Variants in SH3GLB1 observed in about 807,000 individuals in gnomAD.
The protein encoded by SH3GLB1 is SH3 domain containing GRB2 like, endophilin B1.
SH3GLB1 carries 17 observed loss-of-function variants against 42.0 expected under a neutral mutation model. The observed-to-expected ratio is 0.40, with a 90% confidence interval of 0.28 to 0.61. The LOEUF is 0.61. Among genes scored for constraint, SH3GLB1 ranks in the 20% least tolerant of loss-of-function variants. The probability of loss-of-function intolerance (pLI) is 0.36; values close to 1 mark genes in which losing one functional copy is unlikely to be tolerated. For synonymous variants in SH3GLB1, 132 were observed against 146.6 expected, an observed-to-expected ratio of 0.90 and a Z score of 0.72; for missense variants, 355 against 426.3, an observed-to-expected ratio of 0.83 and a Z score of 1.47.
intron 5 of SH3GLB1, among the ~76,000 whole-genome samples, chr1:86,725,687 A>G (rs1469650552): frequency 6.6e-6 from 1 of 152,188 alleles, no homozygotes; most frequent in Non-Finnish European, 1.5e-5. Context: ...GTACTGTCTT[A>G]TAGTTCTCTT....
Position 86,746,504 on chromosome 1 carries a change from G to A in SH3GLB1, c.*3269G>A, listed in dbSNP as rs1036305903. ...TAAGATGAAGTGGCTTTTACCTCATGTGAGTCTCAAACGCTGGAGAGAGAG... is the reference window on the plus strand; with the variant it reads ...TAAGATGAAGTGGCTTTTACCTCATATGAGTCTCAAACGCTGGAGAGAGAG... On this transcript the variant is annotated 3_prime_UTR_variant, in exon 9 of 9. Transcript: ENST00000370558. 1.3e-5 allele frequency: 2 copies of A among 152,310 alleles called. No individual in the cohort carries two copies. The highest frequency in any genetic ancestry group is 4.8e-5 in the African/African-American group (2 of 41,428). 9.4% of individuals were successfully genotyped at this position (152,310 alleles called of 1,614,324 possible).
chr1:86,730,158 A>T (rs1270367964), intron 5 of SH3GLB1: 1 of 1,559,218 alleles, frequency 6.4e-7, no homozygotes, highest in Non-Finnish European at 8.7e-7. Context: ...AATTTAGTTG[A>T]CGTTGATTCA....
intron 8 of SH3GLB1, among the ~76,000 whole-genome samples, chr1:86,742,885 C>T (rs767744976): frequency 5.9e-5 from 9 of 152,022 alleles, no homozygotes; most frequent in Non-Finnish European, 8.8e-5. Context: ...CGTTTGAACA[C>T]GAAAGGTCAA....
chr1:86,743,326 A>T lies in SH3GLB1; in HGVS notation c.*91A>T, dbSNP rs1656154923. The T allele has an allele frequency of 7.5e-6, 6 of 797,164 alleles. No homozygotes were observed. Among genetic ancestry groups the T allele is most frequent in the Non-Finnish European group, 1.1e-5 (6 of 529,172 alleles). The allele number at this position is 797,164 out of a possible 1,614,324, so 49.4% of individuals were successfully genotyped here. A position where few individuals can be genotyped will look rare whatever the true frequency, so the allele number is the denominator to read the frequency against. ...AGCAGGTTAAGTATCTTCCATGTTA[A>T]TGTGTTAAGAGACTGAAAATACCAG... On this transcript the variant is annotated 3_prime_UTR_variant, in exon 9 of 9. Transcript: ENST00000370558.
chr1:86,722,617 T>G lies in SH3GLB1; in HGVS notation c.421T>G (p.Leu141Val). 2.5e-6 allele frequency: 4 copies of G among 1,610,266 alleles called. No individual in the cohort carries two copies. The highest frequency in any genetic ancestry group is 3.4e-6 in the Non-Finnish European group (4 of 1,178,244). Residue 141 changes from leucine to valine, a missense_variant, in exon 4 of 9, where the codon TTA becomes GTA. By Grantham distance (32) the Leu-to-Val change is conservative. Transcript: ENST00000370558. ...ADRELIQTSA[L>V]NFLTPLRNFI... ...CAGAGAACTGATTCAAACGTCAGCCTTAAATTTTCTTACTCCTTTAAGAAA... is the reference window on the plus strand; with the variant it reads ...CAGAGAACTGATTCAAACGTCAGCCGTAAATTTTCTTACTCCTTTAAGAAA...
Position 86,735,172 on chromosome 1 carries a change from C to A in SH3GLB1, c.754C>A (p.Leu252Met), listed in dbSNP as rs1655720163. Residue 252 changes from leucine to methionine, a missense_variant, in exon 7 of 9, where the codon CTG becomes ATG. Physicochemically the swap from Leu to Met is conservative, Grantham distance 15 (BLOSUM62 2). Coordinates refer to ENST00000370558, the MANE Select transcript of SH3GLB1 (RefSeq NM_016009.5). Reference protein sequence around the residue: ...YQYMLDLQKQLGSFPSNYLSN... With the variant: ...YQYMLDLQKQMGSFPSNYLSN... The stretch of plus-strand genomic sequence containing the variant: ...GTATATGTTGGACCTCCAGAAACAA[C>A]TGGGAAGGTGATAATTTACTTTTCA... The A allele has an allele frequency of 6.2e-7, 1 of 1,605,794 alleles. No individual in the cohort carries two copies. Among genetic ancestry groups the A allele is most frequent in the Non-Finnish European group, 8.5e-7 (1 of 1,172,878 alleles).
intron 2 of SH3GLB1, among the ~76,000 whole-genome samples, chr1:86,718,603 G>A (rs754207480): frequency 3.9e-5 from 6 of 152,058 alleles, no homozygotes; most frequent in African/African-American, 9.7e-5. Flanking sequence ...TGAAACTTCC[G>A]CATGCGTAGG....
rs1656153117 is a variant in SH3GLB1 at position 86,743,297 on chromosome 1, AT to A, written c.*63del. The stretch of plus-strand genomic sequence containing the variant: ...TGTATTTATATACAATTAACTCTAA[AT>A]AAAGCAGGTTAAGTATCTTCCATGT... On this transcript the variant is annotated 3_prime_UTR_variant, in exon 9 of 9. Transcript: ENST00000370558. 2.6e-6 allele frequency: 3 copies of A among 1,136,112 alleles called. No individual in the cohort carries two copies. The African/African-American group carries it at 4.7e-5, about 18-fold the overall frequency. The allele number at this position is 1,136,112 out of a possible 1,614,324, so 70.4% of individuals were successfully genotyped here.
chr1:86,724,892 A>ATATATATATATATATATATATATAT (rs1553208270), intron 5 of SH3GLB1, among the ~76,000 whole-genome samples: 11 of 99,652 alleles, frequency 1.1e-4, no homozygotes, highest in African/African-American at 5.4e-4. Flanking sequence ...AAAAAAAAAA[A>ATATATATATATATATATATATATAT]ATATATATAT....
chr1:86,740,370 G>A (rs1306568618), intron 7 of SH3GLB1, among the ~76,000 whole-genome samples: 1 of 152,194 alleles, frequency 6.6e-6, no homozygotes, highest in Admixed American at 6.5e-5. Flanking sequence ...GAGGTTCCTA[G>A]TCATAAATTG....
chr1:86,740,052 G>A (rs1165238475), intron 7 of SH3GLB1, among the ~76,000 whole-genome samples: 12 of 151,920 alleles, frequency 7.9e-5, no homozygotes, highest in African/African-American at 2.7e-4. Context: ...AAGCTGAGGC[G>A]AGAGAATTGC....
chr1:86,738,223 G>A (rs1008394136), intron 7 of SH3GLB1, among the ~76,000 whole-genome samples: 4 of 150,282 alleles, frequency 2.7e-5, no homozygotes, highest in Admixed American at 2.6e-4. Context: ...AGGTCCTGTG[G>A]GCCTGTGGGT....
At chr1:86,723,051 T>C (rs1654956724) in intron 4 of SH3GLB1, among the ~76,000 whole-genome samples, 1 of 152,240 alleles carries the variant, frequency 6.6e-6, no homozygotes, top group African/African-American at 2.4e-5. Context: ...ATGAAAATTT[T>C]CTAAGAGTTT....
intron 8 of SH3GLB1, among the ~76,000 whole-genome samples, chr1:86,742,803 T>A (rs1409429601): frequency 6.6e-6 from 1 of 151,564 alleles, no homozygotes; most frequent in African/African-American, 2.4e-5. Flanking sequence ...CTACAAAAAA[T>A]ATGAAAAATT....
rs1284567743 is a variant in SH3GLB1, at chr1:86,724,880, A to ATATAT, written c.570+475_570+476insTATAT. On this transcript the variant is annotated intron_variant, in intron 5 of 8. Coordinates refer to ENST00000370558, the MANE Select transcript of SH3GLB1 (RefSeq NM_016009.5). ...CAGAGCCAGACCCTGTCTTTAAAAA[A>ATATAT]AAAAAAAAAAAAATATATATATATA... Among the ~76,000 whole-genome samples the ATATAT allele has an allele frequency of 1.3e-4, 14 of 103,866 alleles. No homozygotes were observed. In the Middle Eastern group the frequency reaches 0.014, roughly 104 times the overall value. The allele number at this position is 103,866 out of a possible 152,430, so 68.1% of individuals were successfully genotyped here. A position where few individuals can be genotyped will look rare whatever the true frequency, so the allele number is the denominator to read the frequency against.
Position 86,734,594 on chromosome 1 carries a change from T to TA in SH3GLB1, c.571-7dup. 1 of 1,596,492 alleles carries TA rather than the reference T, an allele frequency of 6.3e-7. No individual in the cohort carries two copies. The highest frequency in any genetic ancestry group is 1.3e-5 in the African/African-American group (1 of 74,658). ...TAAAGAGATTCTAAAACTATATTCT[T>TA]ACTTAAGTCTGAACAGGAATTAAGA... On this transcript the variant is annotated splice_region_variant and splice_polypyrimidine_tract_variant and intron_variant, in intron 5 of 8. Coordinates refer to ENST00000370558, the MANE Select transcript of SH3GLB1 (RefSeq NM_016009.5).
At chr1:86,728,628 T>G in intron 5 of SH3GLB1, 1 of 514,342 alleles carries the variant, frequency 1.9e-6, no homozygotes, top group Admixed American at 3.8e-5. Context: ...AAATACTAGC[T>G]GAAGTAATAC....
At chr1:86,719,464 T>C in intron 2 of SH3GLB1, 43 bp from the exon 3 acceptor site, 1 of 1,571,260 alleles carries the variant, frequency 6.4e-7, no homozygotes. Context: ...TCTAATTAGT[T>C]TTGCTTTTTA....
intron 3 of SH3GLB1, among the ~76,000 whole-genome samples, chr1:86,720,441 T>C (rs34812199): frequency 0.05 from 7,640 of 152,348 alleles, 251 homozygotes; most frequent in South Asian, 0.077. Flanking sequence ...TTTTCTCTTA[T>C]GTATTTCAAA....
Sources: gnomAD v4.1 joint callset for allele counts (sites outside exome capture counted in the v4.1 genomes callset) on GRCh38, gnomAD v4.1.1 for gene constraint, MANE v1.5 for transcripts, NCBI Gene and HGNC (gene_info 2026-07-23, HGNC 2026-07-21) for gene names.